Variants in HERC4 observed in about 807,000 individuals in gnomAD.
HERC4 encodes HECT and RLD domain containing E3 ubiquitin protein ligase 4.
A neutral mutation model predicts 124.3 loss-of-function variants in HERC4; 28 were observed. The observed-to-expected ratio is 0.23, with a 90% CI of 0.17 to 0.31. The LOEUF (loss-of-function observed/expected upper bound fraction) is 0.31, where lower values mean the gene tolerates loss of function less well. Ranked by LOEUF, HERC4 falls within the 10% of genes least tolerant of loss-of-function variation. HERC4 has a pLI of 1.00. For synonymous variants in HERC4, 407 were observed against 421.5 expected (o/e 0.97, Z 0.42); for missense variants, 713 against 1,229.3 (o/e 0.58, Z 6.28).
intron 7 of HERC4, among the ~76,000 whole-genome samples, chr10:68,026,150 C>A (rs1184670753): frequency 6.6e-6 from 1 of 152,158 alleles, no homozygotes; most frequent in Non-Finnish European, 1.5e-5. Context: ...GGCTTGAGTG[C>A]CGTGGCATGA....
At chr10:68,061,363 C>G (rs2041000975) in intron 3 of HERC4, among the ~76,000 whole-genome samples, 1 of 151,570 alleles carries the variant, frequency 6.6e-6, no homozygotes, top group Non-Finnish European at 1.5e-5. Flanking sequence ...GAAACCCCAT[C>G]TCTACTGAAA....
intron 21 of HERC4, among the ~76,000 whole-genome samples, chr10:67,938,394 T>C (rs2032565255): frequency 1.3e-5 from 2 of 149,994 alleles, no homozygotes; most frequent in African/African-American, 4.9e-5. Flanking sequence ...TGAGCCGAGA[T>C]TGCACAACTG....
At chr10:68,062,519 C>A (rs1447265296) in intron 3 of HERC4, among the ~76,000 whole-genome samples, 1 of 151,854 alleles carries the variant, frequency 6.6e-6, no homozygotes, top group African/African-American at 2.4e-5. Context: ...CTTTGGGAGC[C>A]AAGGCGGGCA....
chr10:67,975,550 A>C (rs1201742094), intron 15 of HERC4, among the ~76,000 whole-genome samples: 1 of 152,084 alleles, frequency 6.6e-6, no homozygotes, highest in Non-Finnish European at 1.5e-5. Flanking sequence ...GGATTTCACC[A>C]TATTGGCCAG....
In HERC4 at chr10:67,957,250, T is replaced by C. The variant is rs74526058; in HGVS notation, c.1927-274A>G. Among the ~76,000 whole-genome samples the C allele has an allele frequency of 7.4e-3, 1,125 of 152,332 alleles. 14 individuals are homozygous for C. The highest frequency in any genetic ancestry group is 0.026 in the African/African-American group (1,083 of 41,586). The stretch of plus-strand genomic sequence containing the variant: ...TTGCTTAGCATATGTTAATTGCAAA[T>C]CTCAGTGAATGAGGTTGCAAATTTG... On this transcript the variant is annotated intron_variant, in intron 16 of 24. Transcript: ENST00000373700.
chr10:68,041,611 T>A (rs565572600), intron 4 of HERC4, among the ~76,000 whole-genome samples: 2 of 152,186 alleles, frequency 1.3e-5, no homozygotes, highest in Non-Finnish European at 2.9e-5. Flanking sequence ...TTTTAATGTA[T>A]ATGTCCAAGA....
chr10:68,040,199 G>C, intron 4 of HERC4: 1 of 982,342 alleles, frequency 1.0e-6, no homozygotes, highest in Non-Finnish European at 1.2e-6. Flanking sequence ...TTTATACTCA[G>C]TTACTCTCCT....
chr10:67,927,143 A>G (rs953494807), intron 23 of HERC4, among the ~76,000 whole-genome samples: 2 of 152,052 alleles, frequency 1.3e-5, no homozygotes, highest in African/African-American at 4.8e-5. Context: ...GAATTCTAGC[A>G]TGGAATTTAT....
chr10:68,023,422 G>A (rs569081958), intron 8 of HERC4, among the ~76,000 whole-genome samples: 4 of 152,280 alleles, frequency 2.6e-5, no homozygotes, highest in East Asian at 3.9e-4. Context: ...GAACCTTGAT[G>A]ACACTACGCT....
At chr10:67,990,456 GA>G (rs11422655) in intron 13 of HERC4, 56 bp from the exon 14 acceptor site, 2,058 of 611,328 alleles carry the variant, frequency 3.4e-3, no homozygotes, top group East Asian at 6.0e-3. Context: ...CACTTTCAAA[GA>G]AAAAAAAAAA....
chr10:68,073,064 A>G lies in HERC4; in HGVS notation c.45T>C (p.Gly15=). Residue 15 remains glycine, a synonymous_variant, in exon 3 of 25, where the codon GGT becomes GGC. Coordinates refer to ENST00000373700, the MANE Select transcript of HERC4 (RefSeq NM_015601.4). ...CTAGTACAATTTCTTCATCAATTCC[A>G]CCCAAACCTAGCTGCCCAAAGGATG... ...GNASFGQLGL[G]GIDEEIVLEP... is the part of the protein sequence containing the mutation. 6.2e-7 allele frequency: 1 copy of G among 1,613,842 alleles called. No individual in the cohort carries two copies. The highest frequency in any genetic ancestry group is 8.5e-7 in the Non-Finnish European group (1 of 1,179,910).
At chr10:68,016,210 G>A (rs918842988) in intron 8 of HERC4, among the ~76,000 whole-genome samples, 1 of 152,154 alleles carries the variant, frequency 6.6e-6, no homozygotes, top group Non-Finnish European at 1.5e-5. Flanking sequence ...GAGCTCGAAA[G>A]CACTTCATTA....
chr10:68,045,905 T>C (rs753648030), intron 3 of HERC4, among the ~76,000 whole-genome samples: 1 of 152,206 alleles, frequency 6.6e-6, no homozygotes, highest in Non-Finnish European at 1.5e-5. Context: ...GAAATTCAAA[T>C]TGTATCTAGA....
chr10:68,055,174 T>C (rs1453987665), intron 3 of HERC4, among the ~76,000 whole-genome samples: 1 of 152,216 alleles, frequency 6.6e-6, no homozygotes, highest in Non-Finnish European at 1.5e-5. Context: ...TCTAACATGA[T>C]GGACTTAACA....
At chr10:67,986,744 T>C (rs921460455) in intron 15 of HERC4, among the ~76,000 whole-genome samples, 1 of 152,112 alleles carries the variant, frequency 6.6e-6, no homozygotes, top group East Asian at 1.9e-4. Context: ...CATTTGCATA[T>C]GGGATAAAGA....
At chr10:68,060,844 G>T (rs553221916) in intron 3 of HERC4, among the ~76,000 whole-genome samples, 14 of 152,098 alleles carry the variant, frequency 9.2e-5, no homozygotes, top group African/African-American at 3.4e-4. Flanking sequence ...TTACACATAT[G>T]CTGATTGATC....
At chr10:68,039,331 A>C (rs551501162) in intron 4 of HERC4, 30 of 1,454,964 alleles carry the variant, frequency 2.1e-5, no homozygotes, top group Admixed American at 1.3e-4. Flanking sequence ...AAAAAAAAAA[A>C]AAAGAAAGAA....
Position 68,075,184 on chromosome 10 carries a change from C to G in HERC4, c.-149G>C, listed in dbSNP as rs2041752494. The G allele has an allele frequency of 6.5e-6, 1 of 152,946 alleles. No individual in the cohort carries two copies. The highest frequency in any genetic ancestry group is 1.5e-5 in the Non-Finnish European group (1 of 68,330). The allele number at this position is 152,946 out of a possible 1,614,324, so 9.5% of individuals were successfully genotyped here. A position where few individuals can be genotyped will look rare whatever the true frequency, so the allele number is the denominator to read the frequency against. On this transcript the variant is annotated 5_prime_UTR_variant, in exon 1 of 25. Transcript: ENST00000373700. Reference sequence around the variant, plus strand: ...AAAGCGGACGCCACTGCTGTCCAGTCCAGAGACAGCCGTCAGCGACCCGGA... The same window carrying G: ...AAAGCGGACGCCACTGCTGTCCAGTGCAGAGACAGCCGTCAGCGACCCGGA...
chr10:68,063,271 A>G (rs558399638), intron 3 of HERC4, among the ~76,000 whole-genome samples: 11 of 152,196 alleles, frequency 7.2e-5, no homozygotes, highest in Non-Finnish European at 1.3e-4. Flanking sequence ...GTGCAATGGC[A>G]TGATCTCAGC....
Sources: gnomAD v4.1 joint callset for allele counts (sites outside exome capture counted in the v4.1 genomes callset) on GRCh38, gnomAD v4.1.1 for gene constraint, MANE v1.5 for transcripts, NCBI Gene and HGNC (gene_info 2026-07-23, HGNC 2026-07-21) for gene names.